KIF26B: variants seen among roughly 807,000 people sequenced by gnomAD.
KIF26B encodes kinesin family member 26B.
KIF26B carries 63 observed loss-of-function variants against 151.2 expected under a neutral mutation model. That is an observed-to-expected ratio of 0.42 (90% confidence interval 0.34 to 0.51). The LOEUF (loss-of-function observed/expected upper bound fraction) is 0.51, where lower values mean the gene tolerates loss of function less well. Ranked by LOEUF, KIF26B falls within the 20% of genes least tolerant of loss-of-function variation. The pLI, the probability that KIF26B is intolerant of heterozygous loss-of-function variation, is 0.07. For synonymous variants in KIF26B, 1,357 were observed against 1,262.1 expected (o/e 1.08, Z -1.59); for missense variants, 2,813 against 2,913.6 (o/e 0.97, Z 0.79).
chr1:245,612,097 TGTGTGTGTGAGAGA>T (rs1465723744), intron 9 of KIF26B, 121 bp downstream of exon 9: 45 of 654,692 alleles, frequency 6.9e-5, no homozygotes, highest in South Asian at 1.3e-4. Flanking sequence ...TGTGTGTGTG[TGTGTGTGTGAGAGA>T]GAGAGAGAGA....
intron 4 of KIF26B, among the ~76,000 whole-genome samples, chr1:245,428,669 C>T (rs1246583730): frequency 2.6e-5 from 4 of 152,142 alleles, no homozygotes; most frequent in Non-Finnish European, 4.4e-5. Context: ...AAATGACCAG[C>T]GTTTGCGGCC....
intron 2 of KIF26B, among the ~76,000 whole-genome samples, chr1:245,265,328 AG>A (rs1441739628): frequency 3.9e-5 from 6 of 152,148 alleles, no homozygotes; most frequent in Non-Finnish European, 5.9e-5. Flanking sequence ...ATAGATAGCT[AG>A]AAATAGACTT....
At chr1:245,450,526 T>C (rs572971866) in intron 4 of KIF26B, among the ~76,000 whole-genome samples, 1 of 152,282 alleles carries the variant, frequency 6.6e-6, no homozygotes, top group East Asian at 1.9e-4. Flanking sequence ...TGCGGCTGCG[T>C]GAGACTAATG....
At chr1:245,636,352 T>A (rs2043833987) in intron 9 of KIF26B, among the ~76,000 whole-genome samples, 1 of 40,392 alleles carries the variant, frequency 2.5e-5, no homozygotes, top group South Asian at 5.7e-4. Context: ...TATAGAACGT[T>A]TTTTTTTTTG....
chr1:245,598,043 AG>A (rs2043353157), intron 5 of KIF26B, among the ~76,000 whole-genome samples: 1 of 151,934 alleles, frequency 6.6e-6, no homozygotes, highest in Non-Finnish European at 1.5e-5. Flanking sequence ...CCTTTTTTCA[AG>A]GTTCTTAGCT....
intron 2 of KIF26B, among the ~76,000 whole-genome samples, chr1:245,294,847 G>A (rs1671311709): frequency 6.6e-6 from 1 of 152,126 alleles, no homozygotes; most frequent in Non-Finnish European, 1.5e-5. Flanking sequence ...ATTTTTAGTA[G>A]AGATGGGGTT....
chr1:245,322,151 T>G (rs983423027), intron 2 of KIF26B, among the ~76,000 whole-genome samples: 1 of 151,952 alleles, frequency 6.6e-6, no homozygotes, highest in Non-Finnish European at 1.5e-5. Context: ...ATGTTCTCGC[T>G]CATAAGTAGG....
At chr1:245,454,224 T>C (rs1659462022) in intron 4 of KIF26B, among the ~76,000 whole-genome samples, 1 of 152,242 alleles carries the variant, frequency 6.6e-6, no homozygotes, top group African/African-American at 2.4e-5. Flanking sequence ...CTTTTGTCAT[T>C]CTTGCCATAA....
At chr1:245,314,337 A>G (rs1395072385) in intron 2 of KIF26B, among the ~76,000 whole-genome samples, 1 of 152,120 alleles carries the variant, frequency 6.6e-6, no homozygotes, top group African/African-American at 2.4e-5. Flanking sequence ...CTGGAATCCC[A>G]GCTACTCGGG....
intron 2 of KIF26B, among the ~76,000 whole-genome samples, chr1:245,217,589 C>T (rs1002996080): frequency 6.6e-6 from 1 of 151,988 alleles, no homozygotes; most frequent in Non-Finnish European, 1.5e-5. Flanking sequence ...AGGCTGGTCT[C>T]GAACTCCTGA....
intron 3 of KIF26B, among the ~76,000 whole-genome samples, chr1:245,381,005 A>G (rs1256441428): frequency 1.3e-5 from 2 of 151,086 alleles, no homozygotes; most frequent in African/African-American, 4.9e-5. Flanking sequence ...CCATCTAGTG[A>G]GACATACTTT....
chr1:245,513,360 T>C (rs1265832900), intron 4 of KIF26B, among the ~76,000 whole-genome samples: 2 of 151,814 alleles, frequency 1.3e-5, no homozygotes, highest in African/African-American at 4.8e-5. Flanking sequence ...TCGGGAAAAC[T>C]GCTGAGCAAT....
In KIF26B at chr1:245,201,851, A is replaced by G. The variant is rs543194240; in HGVS notation, c.465+45168A>G. 5.9e-5 allele frequency among the ~76,000 whole-genome samples: 9 copies of G among 152,326 alleles called. No individual in the cohort carries two copies. The East Asian group carries it at 1.7e-3, about 29-fold the overall frequency. ...TCCTTTTTACCCCCAGCTACTCTGC[A>G]GCACAGGAGTACGACTGTATTTGAG... On this transcript the variant is annotated intron_variant, in intron 2 of 14. Transcript: ENST00000407071.
rs541660383 is a variant in KIF26B, at chr1:245,236,055, G to A, written c.465+79372G>A. 4.0e-5 allele frequency among the ~76,000 whole-genome samples: 6 copies of A among 151,670 alleles called. No individual in the cohort carries two copies. In the South Asian group the frequency reaches 6.3e-4, roughly 16 times the overall value. On this transcript the variant is annotated intron_variant, in intron 2 of 14. Coordinates refer to ENST00000407071, the MANE Select transcript of KIF26B (RefSeq NM_018012.4). ...AGTGATTCTCCTGCCCCAGCTTCCC[G>A]AGTAGCTGGGACTACAGGTGTGCGC...
chr1:245,616,820 G>A (rs2043596273), intron 9 of KIF26B, among the ~76,000 whole-genome samples: 2 of 152,146 alleles, frequency 1.3e-5, no homozygotes, highest in South Asian at 2.1e-4. Context: ...CTAATGATAC[G>A]GAGATCGCAC....
intron 5 of KIF26B, among the ~76,000 whole-genome samples, chr1:245,543,318 T>C (rs1661665473): frequency 6.6e-6 from 1 of 152,242 alleles, no homozygotes; most frequent in Non-Finnish European, 1.5e-5. Flanking sequence ...TGATGTACCA[T>C]ATGTAGTGAC....
At position 245,685,266 on chromosome 1, in the gene KIF26B, G is replaced by T. The variant is rs1409698224; in HGVS notation, c.2422-139G>T. The T allele has an allele frequency of 9.0e-6, 6 of 666,018 alleles. No homozygotes were observed. The East Asian group carries it at 1.6e-4, about 18-fold the overall frequency. 41.3% of individuals were successfully genotyped at this position (666,018 alleles called of 1,614,324 possible). A position where few individuals can be genotyped will look rare whatever the true frequency, so the allele number is the denominator to read the frequency against. ...GCGCGCGGGCATGGCACCCCGAGTG[G>T]CCCACGTGCGGGAGGCCAACGGGGG... On this transcript the variant is annotated intron_variant, in intron 11 of 14. Transcript: ENST00000407071.
At chr1:245,390,946 A>ACAAAACAAAACAAAAC (rs1189279520) in intron 3 of KIF26B, among the ~76,000 whole-genome samples, 1 of 148,194 alleles carries the variant, frequency 6.7e-6, no homozygotes, top group African/African-American at 2.5e-5. Flanking sequence ...AAAAAAAAAA[A>ACAAAACAAAACAAAAC]AAAAAACCAC....
At chr1:245,514,129 A>T (rs985232327) in intron 4 of KIF26B, among the ~76,000 whole-genome samples, 2 of 152,224 alleles carry the variant, frequency 1.3e-5, no homozygotes, top group Non-Finnish European at 2.9e-5. Flanking sequence ...GTAAGATAAT[A>T]CATATGTTAA....
Sources: allele counts gnomAD v4.1 joint callset (sites outside exome capture counted in the v4.1 genomes callset), GRCh38; gene constraint gnomAD v4.1.1; transcripts MANE v1.5; gene names NCBI Gene and HGNC (gene_info 2026-07-23, HGNC 2026-07-21).